USH2A: variants seen among roughly 807,000 people sequenced by gnomAD.
USH2A encodes the protein usherin, also known as Usher syndrome 2A (autosomal recessive, mild).
A neutral mutation model predicts 538.9 loss-of-function variants in USH2A; 443 were observed. The observed-to-expected ratio is 0.82, with a 90% CI of 0.76 to 0.89. The LOEUF is 0.89. Among genes scored for constraint, USH2A ranks in the 40% least tolerant of loss-of-function variants. The probability of loss-of-function intolerance (pLI) is 0.00; values close to 1 mark genes in which losing one functional copy is unlikely to be tolerated. For synonymous variants in USH2A, 2,413 were observed against 2,273.5 expected, an observed-to-expected ratio of 1.06 and a Z score of -1.75; for missense variants, 6,633 against 6,324.8, an observed-to-expected ratio of 1.05 and a Z score of -1.65.
chr1:215,654,704 A>C (rs545606573), intron 64 of USH2A, among the ~76,000 whole-genome samples: 4 of 152,362 alleles, frequency 2.6e-5, no homozygotes, highest in African/African-American at 9.6e-5. Flanking sequence ...AAAATTGTTT[A>C]GCCACAAATT....
At chr1:215,786,001 T>A (rs1661790302) in intron 52 of USH2A, among the ~76,000 whole-genome samples, 1 of 151,392 alleles carries the variant, frequency 6.6e-6, no homozygotes, top group African/African-American at 2.4e-5. Context: ...AGAACACATT[T>A]TGTAGGGACT....
intron 3 of USH2A, among the ~76,000 whole-genome samples, chr1:216,392,115 A>G (rs2039120877): frequency 2.0e-5 from 3 of 152,224 alleles, no homozygotes. Flanking sequence ...TGTCCCTCGC[A>G]GAGTTTATAG....
At chr1:215,712,219 G>T (rs1659356263) in intron 61 of USH2A, among the ~76,000 whole-genome samples, 7 of 152,170 alleles carry the variant, frequency 4.6e-5, no homozygotes, top group Admixed American at 4.6e-4. Context: ...TATTTAGAAA[G>T]CTACTTTTAG....
intron 32 of USH2A, among the ~76,000 whole-genome samples, chr1:216,004,424 G>T (rs777565826): frequency 6.6e-6 from 1 of 152,082 alleles, no homozygotes; most frequent in African/African-American, 2.4e-5. Flanking sequence ...GAAAGTCAAA[G>T]GAAGTAATTT....
intron 21 of USH2A, among the ~76,000 whole-genome samples, chr1:216,154,701 C>T (rs2033903480): frequency 6.6e-6 from 1 of 152,138 alleles, no homozygotes; most frequent in Non-Finnish European, 1.5e-5. Flanking sequence ...TGTCACTATA[C>T]ATTAATTATT....
intron 63 of USH2A, among the ~76,000 whole-genome samples, chr1:215,672,722 T>G (rs1157971973): frequency 6.6e-6 from 1 of 152,132 alleles, no homozygotes; most frequent in Non-Finnish European, 1.5e-5. Flanking sequence ...ATTAATCCAC[T>G]AAAAACAAAA....
chr1:215,759,836 C>T lies in USH2A; in HGVS notation c.11055G>A (p.Trp3685Ter), dbSNP rs779662442. Residue 3685 changes from tryptophan (W) to a stop codon, truncating the protein, a stop_gained, in exon 57 of 72, where the codon TGG (tryptophan) becomes TGA (stop). Coordinates refer to ENST00000307340, the MANE Select transcript of USH2A (RefSeq NM_206933.4). LOFTEE classifies it high-confidence loss of function. The part of the protein sequence containing the change: ...QTLQAAPEGV[W>*]VTPRHIIINS... ...TGATGATAATGTGTCGAGGTGTCAC[C>T]CAAACTCCTGGCAAGAATAACGCAA... 2 of 1,613,840 alleles carry T rather than the reference C, an allele frequency of 1.2e-6. No individual in the cohort carries two copies. The highest frequency in any genetic ancestry group is 1.3e-5 in the African/African-American group (1 of 74,984).
intron 3 of USH2A, among the ~76,000 whole-genome samples, chr1:216,391,447 C>A (rs916423527): frequency 3.3e-5 from 5 of 152,122 alleles, no homozygotes; most frequent in African/African-American, 7.2e-5. Flanking sequence ...GTTAACAAAC[C>A]ATTATTAATC....
Position 215,865,605 on chromosome 1 carries a change from C to G in USH2A, c.8845+1402G>C, listed in dbSNP as rs12090696. Among the ~76,000 whole-genome samples, 119 of 152,134 alleles carry G rather than the reference C, an allele frequency of 7.8e-4. 1 individual carries two copies. The highest frequency in any genetic ancestry group is 2.6e-3 in the African/African-American group (107 of 41,500). On this transcript the variant is annotated intron_variant, in intron 44 of 71. Transcript: ENST00000307340. ...ATGGAAATATGCCTTAAAACACATC[C>G]CCAGATAAAAACTTTGTATTTTTCC...
intron 61 of USH2A, among the ~76,000 whole-genome samples, chr1:215,724,204 T>C (rs1659743779): frequency 7.6e-6 from 1 of 132,284 alleles, no homozygotes; most frequent in South Asian, 2.7e-4. Flanking sequence ...TATATATGGA[T>C]ATATATAGAA....
intron 15 of USH2A, among the ~76,000 whole-genome samples, chr1:216,211,388 A>C (rs2102487551): frequency 6.6e-6 from 1 of 152,268 alleles, no homozygotes; most frequent in South Asian, 2.1e-4. Flanking sequence ...ATAGCGCAAG[A>C]GTTGAACTGG....
At chr1:216,296,620 C>A (rs1001661485) in intron 9 of USH2A, among the ~76,000 whole-genome samples, 1 of 152,082 alleles carries the variant, frequency 6.6e-6, no homozygotes, top group African/African-American at 2.4e-5. Flanking sequence ...AGAATGAGAA[C>A]AATTCACAAA....
chr1:216,118,093 G>A (rs1167092581), intron 21 of USH2A, among the ~76,000 whole-genome samples: 3 of 152,038 alleles, frequency 2.0e-5, no homozygotes, highest in Admixed American at 6.6e-5. Flanking sequence ...TGGACAAATC[G>A]TTTAACTTTT....
At chr1:215,953,167 C>T (rs562298979) in intron 37 of USH2A, among the ~76,000 whole-genome samples, 9 of 152,050 alleles carry the variant, frequency 5.9e-5, no homozygotes, top group African/African-American at 2.2e-4. Context: ...TCAATGCCAT[C>T]CCCATCAAGC....
At chr1:216,151,666 C>T (rs939214786) in intron 21 of USH2A, among the ~76,000 whole-genome samples, 4 of 152,214 alleles carry the variant, frequency 2.6e-5, no homozygotes, top group Admixed American at 6.5e-5. Flanking sequence ...CCAAAACCGC[C>T]GAGGCCTTGA....
intron 44 of USH2A, among the ~76,000 whole-genome samples, chr1:215,863,560 A>T (rs148196959): frequency 6.6e-6 from 1 of 152,334 alleles, no homozygotes; most frequent in East Asian, 1.9e-4. Flanking sequence ...TGATACCCTC[A>T]TACTTTATGC....
At chr1:215,904,289 C>T (rs1665576441) in intron 38 of USH2A, among the ~76,000 whole-genome samples, 1 of 151,854 alleles carries the variant, frequency 6.6e-6, no homozygotes, top group African/African-American at 2.4e-5. Context: ...GAAGAAGTGC[C>T]CCAAAGTAGG....
At chr1:215,890,439 TCAC>T (rs1274485296) in intron 40 of USH2A, among the ~76,000 whole-genome samples, 5 of 152,156 alleles carry the variant, frequency 3.3e-5, no homozygotes, top group African/African-American at 1.2e-4. Flanking sequence ...CACGTATTTG[TCAC>T]CAACTGGACT....
intron 21 of USH2A, among the ~76,000 whole-genome samples, chr1:216,171,811 T>C (rs1337835319): frequency 6.6e-6 from 1 of 152,094 alleles, no homozygotes; most frequent in African/African-American, 2.4e-5. Context: ...TAATAAATAA[T>C]GGGGCCTGGA....
Sources: allele counts gnomAD v4.1 joint callset (sites outside exome capture counted in the v4.1 genomes callset), GRCh38; gene constraint gnomAD v4.1.1; transcripts MANE v1.5; gene names NCBI Gene and HGNC (gene_info 2026-07-23, HGNC 2026-07-21).